Variants in ZSWIM5 observed in about 807,000 individuals in gnomAD.
ZSWIM5 encodes the protein zinc finger SWIM-type containing 5.
A neutral mutation model predicts 119.6 loss-of-function variants in ZSWIM5; 55 were observed. The ratio of observed to expected loss-of-function variants is 0.46; its 90% confidence interval spans 0.37 to 0.58. The LOEUF (loss-of-function observed/expected upper bound fraction) is 0.58. Ranked by LOEUF, ZSWIM5 falls within the 20% of genes least tolerant of loss-of-function variation. The pLI is 0.00. For synonymous variants in ZSWIM5, 537 were observed against 606.9 expected (o/e 0.88, Z 1.69); for missense variants, 1,193 against 1,512.8 (o/e 0.79, Z 3.51).
At chr1:45,103,168 C>T (rs1236759284) in intron 1 of ZSWIM5, among the ~76,000 whole-genome samples, 2 of 152,128 alleles carry the variant, frequency 1.3e-5, no homozygotes, top group Non-Finnish European at 2.9e-5. Context: ...CCACCATGCC[C>T]GGCTCATAAT....
chr1:45,044,739 AAAAAAAAATATATATATATATATAT>A (rs1645038515), intron 5 of ZSWIM5, among the ~76,000 whole-genome samples: 2 of 12,794 alleles, frequency 1.6e-4, no homozygotes, highest in Non-Finnish European at 1.8e-4. Flanking sequence ...AAAAAAAAAA[AAAAAAAAATATATATATATATATAT>A]ATATATATAT....
chr1:45,060,225 C>A lies in ZSWIM5; in HGVS notation c.975G>T (p.Gly325=). Residue 325 remains glycine, a synonymous_variant, in exon 3 of 14, where the codon GGG becomes GGT. Coordinates refer to ENST00000359600, the MANE Select transcript of ZSWIM5 (RefSeq NM_020883.2). ...AACAGTTCTCATCGTCAATGCTGGCCCCAGCTGTGGGGTCAGGGGCACCTA... is the reference window on the plus strand; with the variant it reads ...AACAGTTCTCATCGTCAATGCTGGCACCAGCTGTGGGGTCAGGGGCACCTA... ...QVNGAPDPTA[G]ASIDDENCWH... 6.2e-7 allele frequency: 1 copy of A among 1,613,858 alleles called. No individual in the cohort carries two copies. Among genetic ancestry groups the A allele is most frequent in the Non-Finnish European group, 8.5e-7 (1 of 1,179,996 alleles).
chr1:45,179,142 G>C lies in ZSWIM5; in HGVS notation c.595+26614C>G, dbSNP rs75285948. On this transcript the variant is annotated intron_variant, in intron 1 of 13. Transcript: ENST00000359600. ...GTCATTCTACCAAAAAGACACATAC[G>C]TGTACCTGTATATTCATTACAGCAC... Among the ~76,000 whole-genome samples the C allele has an allele frequency of 2.7e-4, 41 of 152,082 alleles. No individual in the cohort carries two copies. The East Asian group carries it at 6.9e-3, about 26-fold the overall frequency.
intron 1 of ZSWIM5, among the ~76,000 whole-genome samples, chr1:45,199,506 G>A (rs1481545063): frequency 1.3e-5 from 2 of 151,964 alleles, no homozygotes; most frequent in East Asian, 1.9e-4. Context: ...TCACCATGTT[G>A]GCCAGGATGG....
chr1:45,095,204 T>C (rs1192516324), intron 1 of ZSWIM5, among the ~76,000 whole-genome samples: 1 of 152,060 alleles, frequency 6.6e-6, no homozygotes, highest in Non-Finnish European at 1.5e-5. Flanking sequence ...CATGGCTTAC[T>C]GCAGCCTCAA....
chr1:45,141,361 G>A (rs920992566), intron 1 of ZSWIM5, among the ~76,000 whole-genome samples: 2 of 152,136 alleles, frequency 1.3e-5, no homozygotes, highest in African/African-American at 4.8e-5. Context: ...GGAAGCCTCA[G>A]GGAACCAGAA....
intron 1 of ZSWIM5, among the ~76,000 whole-genome samples, chr1:45,202,190 C>T (rs1049921262): frequency 1.3e-5 from 2 of 152,026 alleles, no homozygotes; most frequent in Non-Finnish European, 2.9e-5. Context: ...TTTATTCATT[C>T]TAACTCACAT....
At chr1:45,069,426 C>CA (rs780000992) in intron 2 of ZSWIM5, among the ~76,000 whole-genome samples, 3,214 of 103,374 alleles carry the variant, frequency 0.031, 113 homozygotes, top group African/African-American at 0.098. Flanking sequence ...ACTCCGTCTC[C>CA]AAAAAAAAAA....
At position 45,082,810 on chromosome 1, in the gene ZSWIM5, T is replaced by C. The variant is rs542947197; in HGVS notation, c.952+5071A>G. On this transcript the variant is annotated intron_variant, in intron 2 of 13. Coordinates refer to ENST00000359600, the MANE Select transcript of ZSWIM5 (RefSeq NM_020883.2). ...GGAATGGGAAGTGTAATGAGGAATG[T>C]AGGTTTCTTCAGCACAGTAGTAATG... 5.9e-5 allele frequency among the ~76,000 whole-genome samples: 9 copies of C among 152,270 alleles called. No homozygotes were observed. The East Asian group carries it at 1.7e-3, about 29-fold the overall frequency.
chr1:45,189,240 G>A (rs935771283), intron 1 of ZSWIM5, among the ~76,000 whole-genome samples: 5 of 151,036 alleles, frequency 3.3e-5, no homozygotes, highest in African/African-American at 7.3e-5. Context: ...ACTTCAACCC[G>A]GGAGGCAGAG....
intron 1 of ZSWIM5, among the ~76,000 whole-genome samples, chr1:45,198,067 C>G (rs1020479360): frequency 1.3e-5 from 2 of 152,220 alleles, no homozygotes; most frequent in Non-Finnish European, 2.9e-5. Context: ...TGTTTGTGCT[C>G]TAATCGAGGA....
At chr1:45,108,830 A>G (rs982155378) in intron 1 of ZSWIM5, among the ~76,000 whole-genome samples, 58 of 152,232 alleles carry the variant, frequency 3.8e-4, no homozygotes, top group African/African-American at 1.2e-3. Context: ...TAAATATCAT[A>G]AAAACTATAA....
intron 1 of ZSWIM5, among the ~76,000 whole-genome samples, chr1:45,127,837 CAT>C (rs1409326963): frequency 6.6e-6 from 1 of 151,962 alleles, no homozygotes; most frequent in African/African-American, 2.4e-5. Flanking sequence ...TAGTAATGAA[CAT>C]ATAGAAACCC....
chr1:45,044,820 TAA>T (rs1477156339), intron 5 of ZSWIM5, among the ~76,000 whole-genome samples: 294 of 6,930 alleles, frequency 0.042, 84 homozygotes, highest in African/African-American at 0.063. Flanking sequence ...TATATATATA[TAA>T]ATATATATAT....
At chr1:45,089,588 G>C (rs1206343365) in intron 1 of ZSWIM5, among the ~76,000 whole-genome samples, 1 of 152,138 alleles carries the variant, frequency 6.6e-6, no homozygotes, top group Admixed American at 6.5e-5. Context: ...CTGAGATTTG[G>C]AACCAGGAGG....
intron 1 of ZSWIM5, among the ~76,000 whole-genome samples, chr1:45,171,176 A>G (rs1386548112): frequency 6.6e-6 from 1 of 152,106 alleles, no homozygotes; most frequent in Admixed American, 6.6e-5. Context: ...GAAAAATTCT[A>G]CCACTGGAAT....
chr1:45,067,796 T>C (rs1645194373), intron 2 of ZSWIM5, among the ~76,000 whole-genome samples: 1 of 152,194 alleles, frequency 6.6e-6, no homozygotes, highest in Middle Eastern at 3.2e-3. Flanking sequence ...TGTTCACTGG[T>C]TAGAATATTT....
rs372849196 is a variant in ZSWIM5 at position 45,072,599 on chromosome 1, T to A, written c.953-12352A>T. On this transcript the variant is annotated intron_variant, in intron 2 of 13. Transcript: ENST00000359600. This position sits in a 1 kb window ranked among gnomAD's most constrained non-coding sequence, Gnocchi z 4.1. ...AATCCATTTTTATCTGATTTTTGTA[T>A]ATGGCTAGAGATAGGGGTCTAGTTT... is the stretch of plus-strand genomic sequence containing the variant. Among the ~76,000 whole-genome samples, 2 of 152,040 alleles carry A rather than the reference T, an allele frequency of 1.3e-5. No homozygotes were observed. Among genetic ancestry groups the A allele is most frequent in the African/African-American group, 4.8e-5 (2 of 41,262 alleles).
chr1:45,205,922 G>A lies in ZSWIM5; in HGVS notation c.429C>T (p.Pro143=). ...SPAEEGPQPP[P]GAAAPAGSAP... ...CGGAGCCGGCCGGAGCGGCGGCCCC[G>A]GGGGGTGGCTGCGGCCCCTCCTCGG... The change falls in exon 1 of 14, where the codon CCC becomes CCT. Residue 143 remains proline (P), a synonymous_variant. Transcript: ENST00000359600. 1.8e-6 allele frequency: 2 copies of A among 1,104,568 alleles called. No individual in the cohort carries two copies. Among genetic ancestry groups the A allele is most frequent in the Non-Finnish European group, 2.2e-6 (2 of 906,598 alleles). 68.4% of individuals were successfully genotyped at this position (1,104,568 alleles called of 1,614,324 possible).
Sources: allele counts gnomAD v4.1 joint callset (sites outside exome capture counted in the v4.1 genomes callset), GRCh38; gene constraint gnomAD v4.1.1; non-coding constraint Gnocchi (gnomAD v3.1); transcripts MANE v1.5; gene names NCBI Gene and HGNC (gene_info 2026-07-23, HGNC 2026-07-21).